The following ZFYVE27 variants were observed in gnomAD, a reference collection of about 807,000 sequenced individuals.
The protein encoded by ZFYVE27 is protrudin.
Under a neutral mutation model 52.8 loss-of-function variants are expected in ZFYVE27, and 36 were observed. The observed-to-expected ratio is 0.68, with a 90% CI of 0.52 to 0.90. The LOEUF is 0.90. Ranked by LOEUF, ZFYVE27 falls within the 40% of genes least tolerant of loss-of-function variation. ZFYVE27 has a pLI of 0.00. For synonymous variants in ZFYVE27, 223 were observed against 215.6 expected, an observed-to-expected ratio of 1.03 and a Z score of -0.30; for missense variants, 450 against 527.2, an observed-to-expected ratio of 0.85 and a Z score of 1.43.
Position 97,737,208 on chromosome 10 carries a change from G to A in ZFYVE27, c.-115G>A, listed in dbSNP as rs1267771235. The A allele has an allele frequency of 6.6e-6, 1 of 152,322 alleles. No individual in the cohort carries two copies. The allele number at this position is 152,322 out of a possible 1,614,324, so 9.4% of individuals were successfully genotyped here. ...GGACCTGCGACTTCCGAACAACCCT[G>A]GCAGGAGGAGCGGCGTTCAGCCGGG... On this transcript the variant is annotated 5_prime_UTR_variant, in exon 1 of 13. Coordinates refer to ENST00000684270, the MANE Select transcript of ZFYVE27 (RefSeq NM_001385875.1).
In ZFYVE27 at chr10:97,741,456, C is replaced by T. The variant is rs180927966; in HGVS notation, c.198-1638C>T. ...GCCATGAAAAAGGATAAGTTCATGT[C>T]CTTTGCAGGGACATGGATGAAGCTG... On this transcript the variant is annotated intron_variant, in intron 2 of 12. Coordinates refer to ENST00000684270, the MANE Select transcript of ZFYVE27 (RefSeq NM_001385875.1). Among the ~76,000 whole-genome samples the T allele has an allele frequency of 3.6e-3, 543 of 152,258 alleles. 1 individual carries two copies. Among genetic ancestry groups the T allele is most frequent in the African/African-American group, 0.012 (519 of 41,530 alleles).
At position 97,753,193 on chromosome 10, in the gene ZFYVE27, G is replaced by T; in HGVS notation, c.1042+11G>T. ...CCACCAACAACTTCGGTGCGGCCAGGGGACAGGGCTGGGCTGGTGGGGGAG... is the reference window on the plus strand; with the variant it reads ...CCACCAACAACTTCGGTGCGGCCAGTGGACAGGGCTGGGCTGGTGGGGGAG... On this transcript the variant is annotated intron_variant, in intron 10 of 12. Coordinates refer to ENST00000684270, the MANE Select transcript of ZFYVE27 (RefSeq NM_001385875.1). 6.2e-7 allele frequency: 1 copy of T among 1,609,572 alleles called. No individual in the cohort carries two copies. The highest frequency in any genetic ancestry group is 1.3e-5 in the African/African-American group (1 of 74,982).
Position 97,748,385 on chromosome 10 carries a change from C to T in ZFYVE27, c.551+21C>T, listed in dbSNP as rs41317028. The T allele has an allele frequency of 0.057, 91,924 of 1,610,698 alleles. 3,079 individuals are homozygous for T. Among genetic ancestry groups the T allele is most frequent in the Middle Eastern group, 0.085 (515 of 6,058 alleles). ...TCACAGTGAGTGACCCCTCCTCTCC[C>T]GCCACCACCCTATAGGAATTTGCAG... On this transcript the variant is annotated intron_variant, in intron 5 of 12. Coordinates refer to ENST00000684270, the MANE Select transcript of ZFYVE27 (RefSeq NM_001385875.1).
At chr10:97,757,450 C>T in intron 11 of ZFYVE27, 139 bp downstream of exon 11, 1 of 1,350,376 alleles carries the variant, frequency 7.4e-7, no homozygotes. Flanking sequence ...TGAGTGTGCC[C>T]TCCCCTGCGC....
At chr10:97,752,664 T>G (rs1355881399) in intron 8 of ZFYVE27, among the ~76,000 whole-genome samples, 193 bp from the exon 9 acceptor site, 22 of 152,162 alleles carry the variant, frequency 1.4e-4, no homozygotes, top group Admixed American at 1.4e-3. Context: ...GTACCTAGCT[T>G]TCTCCAAGGC....
chr10:97,739,101 CT>C (rs71007361), intron 2 of ZFYVE27, among the ~76,000 whole-genome samples: 84,202 of 147,798 alleles, frequency 0.57, 24,359 homozygotes, highest in Middle Eastern at 0.66. Context: ...ATTTTCACTA[CT>C]TTTTTTTTTT....
chr10:97,748,606 C>G (rs532608924), intron 5 of ZFYVE27, among the ~76,000 whole-genome samples: 2 of 152,228 alleles, frequency 1.3e-5, no homozygotes, highest in Non-Finnish European at 2.9e-5. Flanking sequence ...TATAATCCAC[C>G]ATGCAGCCGA....
At chr10:97,751,522 G>A in intron 8 of ZFYVE27, 60 bp downstream of exon 8, 1 of 1,567,922 alleles carries the variant, frequency 6.4e-7, no homozygotes, top group South Asian at 1.1e-5. Context: ...TGGTCCTGGA[G>A]CTGTTTTTTG....
chr10:97,746,006 A>T, intron 4 of ZFYVE27, among the ~76,000 whole-genome samples: 1 of 148,198 alleles, frequency 6.7e-6, no homozygotes, highest in Non-Finnish European at 1.5e-5. Context: ...CTTACTTTGA[A>T]ATAGTTTTAT....
chr10:97,744,941 G>C, intron 4 of ZFYVE27, 26 bp downstream of exon 4: 1 of 1,548,184 alleles, frequency 6.5e-7, no homozygotes, highest in Non-Finnish European at 8.7e-7. Context: ...AGGCCAGGGA[G>C]GTGGGGGAAC....
At chr10:97,747,705 G>A (rs946671235) in intron 4 of ZFYVE27, among the ~76,000 whole-genome samples, 1 of 152,116 alleles carries the variant, frequency 6.6e-6, no homozygotes, top group African/African-American at 2.4e-5. Context: ...TGGTACAACA[G>A]GATGGTCAAA....
intron 2 of ZFYVE27, among the ~76,000 whole-genome samples, chr10:97,742,840 T>C (rs77767004): frequency 0.095 from 14,396 of 152,270 alleles, 728 homozygotes; most frequent in Non-Finnish European, 0.12. Context: ...TTAACTGATA[T>C]TTTATAAATT....
intron 4 of ZFYVE27, 70 bp from the exon 5 acceptor site, chr10:97,748,199 C>A: frequency 6.9e-7 from 1 of 1,452,256 alleles, no homozygotes; most frequent in Non-Finnish European, 9.6e-7. Context: ...CCAACTGTAC[C>A]TGCAAGGCCC....
intron 10 of ZFYVE27, 92 bp from the exon 11 acceptor site, chr10:97,757,173 T>C (rs2048569091): frequency 6.3e-7 from 1 of 1,578,880 alleles, no homozygotes. Flanking sequence ...GCTGGGCTGG[T>C]GTCCTGAGTG....
At chr10:97,758,121 T>C (rs983753586) in intron 12 of ZFYVE27, 4 of 161,694 alleles carry the variant, frequency 2.5e-5, no homozygotes, top group African/African-American at 7.2e-5. Flanking sequence ...TTTTATAAAA[T>C]ATAAAATATT....
Position 97,759,538 on chromosome 10 carries a change from G to C in ZFYVE27, c.*238G>C. 1.7e-6 allele frequency: 1 copy of C among 603,920 alleles called. No homozygotes were observed. Among genetic ancestry groups the C allele is most frequent in the South Asian group, 1.8e-5 (1 of 54,816 alleles). 37.4% of individuals were successfully genotyped at this position (603,920 alleles called of 1,614,324 possible). Reference sequence around the variant, plus strand: ...AGGGAGAAGAGCCCCTGGAGGGCCTGGCATGTTTGTCCTGCTCTGCCTGGG... The same window carrying C: ...AGGGAGAAGAGCCCCTGGAGGGCCTCGCATGTTTGTCCTGCTCTGCCTGGG... On this transcript the variant is annotated 3_prime_UTR_variant, in exon 13 of 13. Coordinates refer to ENST00000684270, the MANE Select transcript of ZFYVE27 (RefSeq NM_001385875.1).
At chr10:97,739,834 G>A (rs1454662966) in intron 2 of ZFYVE27, among the ~76,000 whole-genome samples, 3 of 151,720 alleles carry the variant, frequency 2.0e-5, no homozygotes, top group African/African-American at 4.8e-5. Flanking sequence ...TCCTTGTGGT[G>A]CAGACTAGAA....
chr10:97,753,737 C>T (rs985503272), intron 10 of ZFYVE27, among the ~76,000 whole-genome samples: 1 of 152,130 alleles, frequency 6.6e-6, no homozygotes, highest in Non-Finnish European at 1.5e-5. Context: ...GTAGTGGGTG[C>T]GGTTAATGTG....
intron 2 of ZFYVE27, among the ~76,000 whole-genome samples, chr10:97,740,190 A>G (rs1219585995): frequency 1.3e-5 from 2 of 152,236 alleles, no homozygotes; most frequent in African/African-American, 4.8e-5. Context: ...TGAGGATGCC[A>G]TTGAGTATTT....
Sources: allele counts gnomAD v4.1 joint callset (sites outside exome capture counted in the v4.1 genomes callset), GRCh38; gene constraint gnomAD v4.1.1; transcripts MANE v1.5; gene names NCBI Gene and HGNC (gene_info 2026-07-23, HGNC 2026-07-21).